The following ECPAS variants were observed in gnomAD, a reference collection of about 807,000 sequenced individuals.
ECPAS encodes Ecm29 proteasome adaptor and scaffold, also known as proteasome adapter and scaffold protein ECM29.
In ECPAS, 70 loss-of-function variants were observed where a neutral mutation model predicts 255.1. The ratio of observed to expected loss-of-function variants is 0.27; its 90% CI spans 0.23 to 0.33. The LOEUF is 0.33. Ranked by LOEUF, ECPAS falls within the 10% of genes least tolerant of loss-of-function variation. ECPAS has a pLI of 1.00. For synonymous variants in ECPAS, 784 were observed against 775.0 expected, an observed-to-expected ratio of 1.01 and a Z score of -0.19; for missense variants, 1,817 against 2,206.4, an observed-to-expected ratio of 0.82 and a Z score of 3.54.
chr9:111,425,655 T>C (rs2131818136), intron 11 of ECPAS, 88 bp downstream of exon 11: 1 of 986,692 alleles, frequency 1.0e-6, no homozygotes, highest in Non-Finnish European at 1.5e-6. Context: ...GTTTTCTTTC[T>C]AGGTAAGATG....
At chr9:111,433,738 G>A (rs1380274656) in intron 7 of ECPAS, among the ~76,000 whole-genome samples, 1 of 152,176 alleles carries the variant, frequency 6.6e-6, no homozygotes, top group Non-Finnish European at 1.5e-5. Flanking sequence ...TCTCTAGAGT[G>A]ATGAAGTCTT....
chr9:111,383,180 C>T (rs746583300), intron 35 of ECPAS, 31 bp downstream of exon 35: 5 of 1,610,150 alleles, frequency 3.1e-6, no homozygotes, highest in Non-Finnish European at 4.2e-6. Context: ...TGAGCAAATC[C>T]AATACATTCA....
At chr9:111,463,688 A>T (rs551470079) in intron 2 of ECPAS, among the ~76,000 whole-genome samples, 4 of 152,300 alleles carry the variant, frequency 2.6e-5, no homozygotes, top group African/African-American at 9.6e-5. Context: ...GAGAACTGGG[A>T]ATACATGAAA....
intron 17 of ECPAS, among the ~76,000 whole-genome samples, chr9:111,417,376 A>G (rs2098205435): frequency 6.6e-6 from 1 of 152,252 alleles, no homozygotes; most frequent in Admixed American, 6.5e-5. Context: ...GGCAAAACAG[A>G]TCAATTACAG....
intron 2 of ECPAS, among the ~76,000 whole-genome samples, chr9:111,471,449 C>T (rs1259272539): frequency 2.0e-5 from 3 of 152,100 alleles, no homozygotes; most frequent in Non-Finnish European, 4.4e-5. Context: ...CATTTTGTAT[C>T]ATCAGCAGCA....
intron 24 of ECPAS, among the ~76,000 whole-genome samples, chr9:111,399,891 A>G (rs999388601): frequency 6.6e-6 from 1 of 152,232 alleles, no homozygotes; most frequent in East Asian, 1.9e-4. Context: ...ATCTTTGAAA[A>G]AGCATCAGCG....
At chr9:111,423,062 T>C (rs1246374757) in intron 13 of ECPAS, 137 bp downstream of exon 13, 2 of 636,588 alleles carry the variant, frequency 3.1e-6, no homozygotes, top group Non-Finnish European at 2.7e-6. Context: ...ACAGAAGACA[T>C]TTCTAAACAA....
chr9:111,482,137 A>G (rs916388378), intron 1 of ECPAS, among the ~76,000 whole-genome samples: 1 of 152,226 alleles, frequency 6.6e-6, no homozygotes, highest in Admixed American at 6.5e-5. Context: ...AAAACAAAAC[A>G]TGGAACTGAT....
At chr9:111,429,085 A>G (rs2098225988) in intron 9 of ECPAS, among the ~76,000 whole-genome samples, 1 of 152,152 alleles carries the variant, frequency 6.6e-6, no homozygotes, top group East Asian at 1.9e-4. Context: ...AACTTTTATC[A>G]TTGCCAATAA....
intron 31 of ECPAS, 136 bp downstream of exon 31, chr9:111,389,420 G>T: frequency 1.4e-6 from 1 of 738,576 alleles, no homozygotes; most frequent in Non-Finnish European, 2.0e-6. Flanking sequence ...AGAAAGCATG[G>T]AATGAAAGAC....
chr9:111,437,231 G>A, intron 6 of ECPAS, 123 bp from the exon 7 acceptor site: 1 of 802,592 alleles, frequency 1.2e-6, no homozygotes, highest in Non-Finnish European at 1.7e-6. Flanking sequence ...ATGAACACTT[G>A]AAATTAAAAT....
chr9:111,382,043 AG>A (rs2098141230), intron 35 of ECPAS, among the ~76,000 whole-genome samples: 1 of 150,800 alleles, frequency 6.6e-6, no homozygotes, highest in African/African-American at 2.4e-5. Flanking sequence ...ACACACACAA[AG>A]AATCCTTCCT....
At chr9:111,389,130 C>T (rs55675952) in intron 31 of ECPAS, among the ~76,000 whole-genome samples, 8,528 of 152,186 alleles carry the variant, frequency 0.056, 577 homozygotes, top group African/African-American at 0.15. Context: ...AAAAGTGGGA[C>T]AGAACATGAT....
rs1267193891 is a variant in ECPAS at position 111,415,928 on chromosome 9, T to TC, written c.1764+343dup. ...TTAATAAGTGTGATCAATTTAATCC[T>TC]CTCCAACCTTCAAAACTAAATAACC... is the stretch of plus-strand genomic sequence containing the variant. On this transcript the variant is annotated intron_variant, in intron 18 of 49. Transcript: ENST00000684092. Among the ~76,000 whole-genome samples, 18 of 152,246 alleles carry TC rather than the reference T, an allele frequency of 1.2e-4. No homozygotes were observed. The East Asian group carries it at 3.5e-3, about 29-fold the overall frequency.
Position 111,420,112 on chromosome 9 carries a change from A to T in ECPAS, c.1464T>A (p.Val488=), listed in dbSNP as rs1401285840. The change falls in exon 16 of 50, where the codon GTT becomes GTA. Residue 488 remains valine (V), a synonymous_variant. Transcript: ENST00000684092. Reference sequence around the variant, plus strand: ...ATTTCACAGCCACTTGTCGAACTTGAACTTCAGGCTATTTCATGTGTAAAC... The same window carrying T: ...ATTTCACAGCCACTTGTCGAACTTGTACTTCAGGCTATTTCATGTGTAAAC... ...LVASYLIKPE[V]QVRQVAVKFA... is the part of the protein sequence containing the mutation. 1.1e-5 allele frequency: 18 copies of T among 1,611,948 alleles called. No individual in the cohort carries two copies. Among genetic ancestry groups the T allele is most frequent in the Non-Finnish European group, 1.5e-5 (18 of 1,178,432 alleles).
At chr9:111,368,130 C>T (rs2098122877) in intron 46 of ECPAS, among the ~76,000 whole-genome samples, 1 of 152,060 alleles carries the variant, frequency 6.6e-6, no homozygotes, top group African/African-American at 2.4e-5. Context: ...GTAGCATCAT[C>T]ACTTCTTGGC....
In ECPAS at chr9:111,375,171, C is replaced by T. The variant is rs1216401087; in HGVS notation, c.4052G>A (p.Gly1351Asp). 3 of 1,613,584 alleles carry T rather than the reference C, an allele frequency of 1.9e-6. No individual in the cohort carries two copies. The highest frequency in any genetic ancestry group is 1.7e-6 in the Non-Finnish European group (2 of 1,179,714). ...TTCACACAACCTAGGAACTAGCTCG[C>T]CCAGCACTGACACATCAAGGTATTG... ...CLQYLDVSVLGELVPRLCELI... is the reference protein window; with the variant it reads ...CLQYLDVSVLDELVPRLCELI... Residue 1351 changes from glycine to aspartate, a missense_variant, in exon 38 of 50, where the codon GGC (glycine) becomes GAC (aspartate). By Grantham distance (94) the Gly-to-Asp change is moderately conservative. Coordinates refer to ENST00000684092, the MANE Select transcript of ECPAS (RefSeq NM_001364929.1).
At position 111,410,163 on chromosome 9, in the gene ECPAS, C is replaced by A. The variant is rs1412010194; in HGVS notation, c.2428G>T (p.Ala810Ser). The change falls in exon 23 of 50, where the codon GCC (alanine) becomes TCC (serine). Residue 810 changes from alanine (A) to serine (S), a missense_variant. Around this residue, in one of 4 missense-constraint regions of ECPAS, gnomAD observed 194 missense variants for 152.8 expected, o/e 1.27. Coordinates refer to ENST00000684092, the MANE Select transcript of ECPAS (RefSeq NM_001364929.1). ...CCATTTCTGCCAATTTCACCCAGGG[C>A]TGTGCAGGCAGCAATTGCCAGGAGG... ...SPLLAIAACTALGEIGRNGPL... is the reference protein window; with the variant it reads ...SPLLAIAACTSLGEIGRNGPL... The A allele has an allele frequency of 1.9e-6, 3 of 1,613,104 alleles. No homozygotes were observed. The highest frequency in any genetic ancestry group is 2.5e-6 in the Non-Finnish European group (3 of 1,179,646).
chr9:111,471,996 G>A (rs1382330059), intron 2 of ECPAS, among the ~76,000 whole-genome samples: 3 of 152,202 alleles, frequency 2.0e-5, no homozygotes, highest in Non-Finnish European at 4.4e-5. Context: ...AGCTACTTGG[G>A]AGGCTGAGGT....
Sources: allele counts gnomAD v4.1 joint callset (sites outside exome capture counted in the v4.1 genomes callset), GRCh38; gene constraint gnomAD v4.1.1; regional missense constraint gnomAD v4.1.1; transcripts MANE v1.5; gene names NCBI Gene and HGNC (gene_info 2026-07-23, HGNC 2026-07-21).